Variants in PDS5A observed in about 807,000 individuals in gnomAD.
The protein encoded by PDS5A is PDS5 cohesin associated factor A, also known as sister chromatid cohesion protein PDS5 homolog A.
In PDS5A, 42 loss-of-function variants were observed where a neutral mutation model predicts 167.1. The ratio of observed to expected loss-of-function variants is 0.25; its 90% confidence interval spans 0.20 to 0.33. The LOEUF (loss-of-function observed/expected upper bound fraction) is 0.33, where lower values mean the gene tolerates loss of function less well. PDS5A is among the 10% of genes least tolerant of loss of function. PDS5A has a pLI of 1.00. For synonymous variants in PDS5A, 553 were observed against 554.6 expected, an observed-to-expected ratio of 1.00 and a Z score of 0.04; for missense variants, 1,033 against 1,605.9, an observed-to-expected ratio of 0.64 and a Z score of 6.10.
intron 31 of PDS5A, among the ~76,000 whole-genome samples, chr4:39,840,562 A>G (rs1258595501): frequency 6.6e-6 from 1 of 151,546 alleles, no homozygotes; most frequent in Non-Finnish European, 1.5e-5. Context: ...CGCCCAGCTA[A>G]TTTTTGTATT....
chr4:39,963,852 G>A (rs1391261895), intron 2 of PDS5A, among the ~76,000 whole-genome samples: 1 of 151,788 alleles, frequency 6.6e-6, no homozygotes, highest in East Asian at 1.9e-4. Context: ...CGGGGGTGGG[G>A]GAGAGGGAGC....
intron 2 of PDS5A, among the ~76,000 whole-genome samples, chr4:39,957,331 A>G (rs1485265709): frequency 1.3e-5 from 2 of 152,052 alleles, no homozygotes; most frequent in Admixed American, 1.3e-4. Flanking sequence ...AAAAAAAGAA[A>G]AAGAAAAAGC....
chr4:39,947,787 T>C (rs1727914776), intron 2 of PDS5A, among the ~76,000 whole-genome samples: 1 of 151,794 alleles, frequency 6.6e-6, no homozygotes, highest in African/African-American at 2.4e-5. Flanking sequence ...CCCAGAAGAG[T>C]GAGAACTCAC....
intron 2 of PDS5A, among the ~76,000 whole-genome samples, chr4:39,954,685 A>C (rs905172810): frequency 7.3e-5 from 11 of 151,218 alleles, no homozygotes; most frequent in Middle Eastern, 3.2e-3. Flanking sequence ...AAAAAAAAAA[A>C]AAAAAAAAAA....
intron 2 of PDS5A, among the ~76,000 whole-genome samples, chr4:39,965,555 T>C (rs891251181): frequency 1.3e-5 from 2 of 152,230 alleles, no homozygotes; most frequent in Non-Finnish European, 2.9e-5. Flanking sequence ...CAATGGAATA[T>C]TATTCAGCTT....
intron 14 of PDS5A, among the ~76,000 whole-genome samples, chr4:39,899,532 T>G (rs965480963): frequency 3.3e-5 from 5 of 152,176 alleles, no homozygotes; most frequent in Non-Finnish European, 5.9e-5. Context: ...AATATGTTTT[T>G]GCTATCTGTT....
At position 39,825,407 on chromosome 4, in the gene PDS5A, ATTTGTGAATCCAAG is replaced by A. The variant is rs573460345; in HGVS notation, c.*64_*77del. The A allele has an allele frequency of 3.1e-4, 377 of 1,223,836 alleles. 7 individuals carry two copies. In the South Asian group the frequency reaches 4.9e-3, roughly 16 times the overall value. The allele number at this position is 1,223,836 out of a possible 1,614,324, so 75.8% of individuals were successfully genotyped here. A position where few individuals can be genotyped will look rare whatever the true frequency, so the allele number is the denominator to read the frequency against. On this transcript the variant is annotated 3_prime_UTR_variant, in exon 33 of 33. Coordinates refer to ENST00000303538, the MANE Select transcript of PDS5A (RefSeq NM_001100399.2). ...TGAGCTTCATTTTCTGTTCAGGGAC[ATTTGTGAATCCAAG>A]TTTTTGCAGAAGCTGGAGCCTGCTT...
At chr4:39,972,446 G>A (rs543817187) in intron 2 of PDS5A, among the ~76,000 whole-genome samples, 2 of 152,262 alleles carry the variant, frequency 1.3e-5, no homozygotes, top group South Asian at 4.1e-4. Context: ...CTTGAACCCG[G>A]GAGGCGGAGT....
At chr4:39,861,216 T>C (rs1718963425) in intron 26 of PDS5A, among the ~76,000 whole-genome samples, 1 of 151,742 alleles carries the variant, frequency 6.6e-6, no homozygotes, top group Non-Finnish European at 1.5e-5. Context: ...ATCCCAGCAC[T>C]TGGGGAGGCT....
chr4:39,910,168 G>T (rs1723769448), intron 10 of PDS5A, 76 bp downstream of exon 10: 1 of 706,238 alleles, frequency 1.4e-6, no homozygotes. Flanking sequence ...CTTGGAAAGT[G>T]AAGTTAGGTC....
chr4:39,931,891 C>CTTT (rs372230505), intron 2 of PDS5A, among the ~76,000 whole-genome samples: 2 of 136,106 alleles, frequency 1.5e-5, no homozygotes, highest in Admixed American at 7.4e-5. Flanking sequence ...GGTCAGGTGA[C>CTTT]TTTTTTTTTT....
At chr4:39,841,711 G>GT (rs1717036934) in intron 31 of PDS5A, among the ~76,000 whole-genome samples, 1 of 152,080 alleles carries the variant, frequency 6.6e-6, no homozygotes, top group Non-Finnish European at 1.5e-5. Flanking sequence ...GATTACAGGT[G>GT]TAAGCCACTG....
Position 39,844,886 on chromosome 4 carries a change from G to C in PDS5A, c.3403-85C>G, listed in dbSNP as rs1031123685. On this transcript the variant is annotated intron_variant, in intron 29 of 32. Transcript: ENST00000303538. ...CATGTAAATTTAGACACAAGTAAGA[G>C]ATATTGTTAAGTGCTAATTAGTTAA... The C allele has an allele frequency of 3.6e-6, 5 of 1,382,746 alleles. No homozygotes were observed. The African/African-American group carries it at 5.8e-5, about 16-fold the overall frequency. The allele number at this position is 1,382,746 out of a possible 1,614,324, so 85.7% of individuals were successfully genotyped here. A position where few individuals can be genotyped will look rare whatever the true frequency, so the allele number is the denominator to read the frequency against.
chr4:39,856,080 C>T (rs1297750550), intron 26 of PDS5A, among the ~76,000 whole-genome samples: 1 of 152,038 alleles, frequency 6.6e-6, no homozygotes. Context: ...ATAAAGGTCT[C>T]TTGAAAGCAG....
chr4:39,960,061 C>T (rs971991158), intron 2 of PDS5A, among the ~76,000 whole-genome samples: 2 of 152,100 alleles, frequency 1.3e-5, no homozygotes, highest in African/African-American at 4.8e-5. Flanking sequence ...CCACTGCACT[C>T]CAGCCTGGGC....
chr4:39,897,581 T>C (rs993464782), intron 16 of PDS5A, among the ~76,000 whole-genome samples: 4 of 152,008 alleles, frequency 2.6e-5, no homozygotes, highest in Admixed American at 6.5e-5. Flanking sequence ...GTATTTTTAG[T>C]AGAGATGGGG....
At chr4:39,974,390 T>C in intron 2 of PDS5A, 1 of 382,978 alleles carries the variant, frequency 2.6e-6, no homozygotes, top group Admixed American at 3.5e-5. Context: ...GGTTTCAATA[T>C]TCTTAATTTG....
At chr4:39,948,788 A>G (rs539568953) in intron 2 of PDS5A, among the ~76,000 whole-genome samples, 1 of 149,540 alleles carries the variant, frequency 6.7e-6, no homozygotes, top group Non-Finnish European at 1.5e-5. Context: ...CCATGCCCGG[A>G]TAATTTTTCT....
rs751612399 is a variant in PDS5A, at chr4:39,862,827, T to G, written c.2971+42A>C. The G allele has an allele frequency of 1.5e-4, 194 of 1,303,004 alleles. 1 individual carries two copies. The Admixed American group carries it at 3.3e-3, about 22-fold the overall frequency. The allele number at this position is 1,303,004 out of a possible 1,614,324, so 80.7% of individuals were successfully genotyped here. Reference sequence around the variant, plus strand: ...AAAAAAAACCTAAAAATGGATACATTGACAAAATATATTTGCACACGGAGA... The same window carrying G: ...AAAAAAAACCTAAAAATGGATACATGGACAAAATATATTTGCACACGGAGA... On this transcript the variant is annotated intron_variant, in intron 25 of 32. Coordinates refer to ENST00000303538, the MANE Select transcript of PDS5A (RefSeq NM_001100399.2).
Sources: allele counts gnomAD v4.1 joint callset (sites outside exome capture counted in the v4.1 genomes callset), GRCh38; gene constraint gnomAD v4.1.1; transcripts MANE v1.5; gene names NCBI Gene and HGNC (gene_info 2026-07-23, HGNC 2026-07-21).